The following NFASC variants were observed in gnomAD, a reference collection of about 807,000 sequenced individuals.
NFASC encodes neurofascin homolog.
In NFASC, 43 loss-of-function variants were observed where a neutral mutation model predicts 147.5. The ratio of observed to expected loss-of-function variants is 0.29; its 90% CI spans 0.23 to 0.38. NFASC has a LOEUF of 0.38. Among genes scored for constraint, NFASC ranks in the 10% least tolerant of loss-of-function variants. The pLI, the probability that NFASC is intolerant of heterozygous loss-of-function variation, is 1.00. For synonymous variants in NFASC, 622 were observed against 665.5 expected, an observed-to-expected ratio of 0.93 and a Z score of 1.01; for missense variants, 1,320 against 1,689.0, an observed-to-expected ratio of 0.78 and a Z score of 3.83.
At chr1:204,969,935 G>A (rs1259736831) in intron 10 of NFASC, among the ~76,000 whole-genome samples, 1 of 152,030 alleles carries the variant, frequency 6.6e-6, no homozygotes, top group African/African-American at 2.4e-5. Flanking sequence ...AATTAGCTGG[G>A]CGTGGTGGGA....
At position 204,980,389 on chromosome 1, in the gene NFASC, T is replaced by A; in HGVS notation, c.2196T>A (p.Gly732=). ...TSGAPPESNP[G]DVKGEGTRKN... ...TTCCAGCCCCCGAGTCCAATCCTGG[T>A]GACGTGAAGGGAGAGGGGACCAGAA... is the stretch of plus-strand genomic sequence containing the variant. Residue 732 remains glycine (G), a synonymous_variant, in exon 20 of 30, where the codon GGT becomes GGA. Transcript: ENST00000339876. 6.2e-7 allele frequency: 1 copy of A among 1,613,698 alleles called. No individual in the cohort carries two copies.
intron 1 of NFASC, among the ~76,000 whole-genome samples, chr1:204,869,660 G>A (rs1310933017): frequency 1.3e-5 from 2 of 152,144 alleles, no homozygotes; most frequent in East Asian, 3.8e-4. Flanking sequence ...AGGAAACTGA[G>A]GCACAGTTTC....
At position 205,015,772 on chromosome 1, in the gene NFASC, C is replaced by T. The variant is rs2096348368; in HGVS notation, c.3492-536C>T. Among the ~76,000 whole-genome samples, 1 of 152,062 alleles carries T rather than the reference C, an allele frequency of 6.6e-6. No homozygotes were observed. Among genetic ancestry groups the T allele is most frequent in the African/African-American group, 2.4e-5 (1 of 41,410 alleles). ...GCTCAGCGAAAGACACCAAGACAGACAAGCAGAGAGGTGAGGGAGAGGTTT... is the reference window on the plus strand; with the variant it reads ...GCTCAGCGAAAGACACCAAGACAGATAAGCAGAGAGGTGAGGGAGAGGTTT... On this transcript the variant is annotated intron_variant, in intron 29 of 29. Transcript: ENST00000339876. The surrounding 1 kb of genome is among the most constrained non-coding windows in gnomAD (Gnocchi z 4.0).
chr1:204,985,777 G>A (rs1369137956), intron 21 of NFASC: 1 of 640,662 alleles, frequency 1.6e-6, no homozygotes, highest in Non-Finnish European at 2.8e-6. Context: ...CCTCAGCCTG[G>A]ATAGGACTGA....
At chr1:204,860,796 C>T (rs1282597115) in intron 1 of NFASC, among the ~76,000 whole-genome samples, 1 of 152,154 alleles carries the variant, frequency 6.6e-6, no homozygotes, top group Non-Finnish European at 1.5e-5. Context: ...TCTCTATAGA[C>T]TTGCCTATTC....
At chr1:204,907,968 A>G (rs1558058493) in intron 1 of NFASC, among the ~76,000 whole-genome samples, 1 of 143,798 alleles carries the variant, frequency 7.0e-6, no homozygotes, top group Non-Finnish European at 1.5e-5. Context: ...GTGTGTGTGT[A>G]TGGGTTTTAG....
chr1:205,014,283 AC>A (rs1157656580), intron 29 of NFASC, among the ~76,000 whole-genome samples: 1 of 151,996 alleles, frequency 6.6e-6, no homozygotes, highest in Non-Finnish European at 1.5e-5. Flanking sequence ...CTGGGCCTGC[AC>A]CCCTACACGC....
intron 1 of NFASC, among the ~76,000 whole-genome samples, chr1:204,857,484 G>A (rs1270766993): frequency 1.3e-5 from 2 of 152,202 alleles, no homozygotes; most frequent in Non-Finnish European, 2.9e-5. Flanking sequence ...CCTAGCAACA[G>A]GTCAATTGGC....
intron 2 of NFASC, among the ~76,000 whole-genome samples, chr1:204,926,526 G>A (rs1184195923): frequency 1.4e-5 from 2 of 146,644 alleles, no homozygotes; most frequent in Non-Finnish European, 3.0e-5. Context: ...TGATCCTCCC[G>A]TCTCAGCCTC....
chr1:204,989,124 A>G lies in NFASC; in HGVS notation c.2767+318A>G. The G allele has an allele frequency of 7.9e-6, 3 of 378,624 alleles. No individual in the cohort carries two copies. In the South Asian group the frequency reaches 8.5e-5, roughly 11 times the overall value. 23.5% of individuals were successfully genotyped at this position (378,624 alleles called of 1,614,324 possible). A position where few individuals can be genotyped will look rare whatever the true frequency, so the allele number is the denominator to read the frequency against. ...GAGCATGAGTTGAGAAATGAGAGAAATCATAATGAACTCCAAAGAACAGTG... is the reference window on the plus strand; with the variant it reads ...GAGCATGAGTTGAGAAATGAGAGAAGTCATAATGAACTCCAAAGAACAGTG... On this transcript the variant is annotated intron_variant, in intron 23 of 29. Transcript: ENST00000339876.
At chr1:204,874,490 A>G (rs1200852322) in intron 1 of NFASC, among the ~76,000 whole-genome samples, 1 of 152,086 alleles carries the variant, frequency 6.6e-6, no homozygotes, top group African/African-American at 2.4e-5. Flanking sequence ...ACGTGGCTTT[A>G]TTCCACCCGC....
At chr1:205,005,267 A>G (rs1329648087) in intron 27 of NFASC, among the ~76,000 whole-genome samples, 1 of 151,416 alleles carries the variant, frequency 6.6e-6, no homozygotes, top group Non-Finnish European at 1.5e-5. Flanking sequence ...TTTCTAGAAC[A>G]TAATTCTTCT....
intron 1 of NFASC, among the ~76,000 whole-genome samples, chr1:204,879,349 A>G (rs1416379093): frequency 6.6e-6 from 1 of 152,244 alleles, no homozygotes; most frequent in Non-Finnish European, 1.5e-5. Context: ...TCTCCCCCGC[A>G]AAACAGTCGT....
rs2095369845 is a variant in NFASC at position 204,975,210 on chromosome 1, G to A, written c.1559-61G>A. 5 of 1,544,958 alleles carry A rather than the reference G, an allele frequency of 3.2e-6. No individual in the cohort carries two copies. In the Admixed American group the frequency reaches 7.8e-5, roughly 24 times the overall value. On this transcript the variant is annotated intron_variant, in intron 14 of 29. Coordinates refer to ENST00000339876, the MANE Select transcript of NFASC (RefSeq NM_001005388.3). The surrounding 1 kb of genome is among the most constrained non-coding windows in gnomAD (Gnocchi z 4.0). ...GAGGGCAGACATATGCCACTTTGTG[G>A]CCGCATGGGGATGCTGGGCAGAGAA...
chr1:204,869,120 G>A (rs138662149), intron 1 of NFASC, among the ~76,000 whole-genome samples: 789 of 152,328 alleles, frequency 5.2e-3, no homozygotes, highest in Admixed American at 7.9e-3. Flanking sequence ...GAAAAGGCCA[G>A]ATGGGGGCTA....
At position 204,988,623 on chromosome 1, in the gene NFASC, C is replaced by G. The variant is rs1391869903; in HGVS notation, c.2594-10C>G. 3.7e-6 allele frequency: 6 copies of G among 1,613,214 alleles called. No individual in the cohort carries two copies. Among genetic ancestry groups the G allele is most frequent in the South Asian group, 2.2e-5 (2 of 91,056 alleles). ...CTAAAGTTTAATTCCACTTACCTCTCTCTCCCCAGTTAACGGGACCAAAGT... is the reference window on the plus strand; with the variant it reads ...CTAAAGTTTAATTCCACTTACCTCTGTCTCCCCAGTTAACGGGACCAAAGT... On this transcript the variant is annotated splice_polypyrimidine_tract_variant and intron_variant, in intron 22 of 29. Transcript: ENST00000339876.
At chr1:204,907,677 A>T (rs1425938378) in intron 1 of NFASC, among the ~76,000 whole-genome samples, 1 of 152,196 alleles carries the variant, frequency 6.6e-6, no homozygotes, top group Non-Finnish European at 1.5e-5. Context: ...ACTCCCTTGC[A>T]TTTCAAAAAC....
chr1:204,970,700 A>G lies in NFASC; in HGVS notation c.1088A>G (p.Asn363Ser). 3.1e-6 allele frequency: 5 copies of G among 1,614,132 alleles called. No individual in the cohort carries two copies. The highest frequency in any genetic ancestry group is 4.2e-6 in the Non-Finnish European group (5 of 1,180,028). Residue 363 changes from asparagine to serine, a missense_variant, in exon 11 of 30, where the codon AAC becomes AGC. This residue lies in a region of NFASC where 981 missense variants were observed against 1,289.5 expected (regional missense o/e 0.76). Coordinates refer to ENST00000339876, the MANE Select transcript of NFASC (RefSeq NM_001005388.3). ...DGRLVCRANG[N>S]PKPTVQWMVN... ...AGACTGGTGTGTCGAGCCAATGGAA[A>G]CCCCAAACCCACTGTCCAGTGGATG...
chr1:204,902,729 T>G (rs1287025636), intron 1 of NFASC, among the ~76,000 whole-genome samples: 1 of 151,988 alleles, frequency 6.6e-6, no homozygotes, highest in Non-Finnish European at 1.5e-5. Context: ...TGATACAAAT[T>G]AAAACAAAGG....
Sources: allele counts gnomAD v4.1 joint callset (sites outside exome capture counted in the v4.1 genomes callset), GRCh38; gene constraint gnomAD v4.1.1; regional missense constraint gnomAD v4.1.1; non-coding constraint Gnocchi (gnomAD v3.1); transcripts MANE v1.5; gene names NCBI Gene and HGNC (gene_info 2026-07-23, HGNC 2026-07-21).